Variants in SLC6A4 observed in about 807,000 individuals in gnomAD.
The protein encoded by SLC6A4 is solute carrier family 6 member 4.
SLC6A4 carries 22 observed loss-of-function variants against 73.4 expected under a neutral mutation model. The observed-to-expected ratio is 0.30, with a 90% CI of 0.21 to 0.43. SLC6A4 has a LOEUF of 0.43. Ranked by LOEUF, SLC6A4 falls within the 20% of genes least tolerant of loss-of-function variation. The pLI is 1.00. For missense variants in SLC6A4, 593 were observed against 808.5 expected, an observed-to-expected ratio of 0.73 and a Z score of 3.23; for synonymous variants, 270 against 315.5, an observed-to-expected ratio of 0.86 and a Z score of 1.53.
At chr17:30,212,968 CAGCAA>C in intron 8 of SLC6A4, 101 bp from the exon 9 acceptor site, 1 of 1,287,002 alleles carries the variant, frequency 7.8e-7, no homozygotes. Context: ...AGGGCGGCCA[CAGCAA>C]GGACAAGCAG....
Position 30,218,077 on chromosome 17 carries a change from C to T in SLC6A4, c.698+41G>A, listed in dbSNP as rs760606335. 3 of 1,550,460 alleles carry T rather than the reference C, an allele frequency of 1.9e-6. No homozygotes were observed. In the South Asian group the frequency reaches 3.3e-5, roughly 17 times the overall value. ...AAGAAGCCAAACCCCAGGGGTGTGG[C>T]CTGCCCCTAACAGGCCAACCCCTCA... On this transcript the variant is annotated intron_variant, in intron 5 of 14. Coordinates refer to ENST00000650711, the MANE Select transcript of SLC6A4 (RefSeq NM_001045.6).
At position 30,218,159 on chromosome 17, in the gene SLC6A4, G is replaced by A. The variant is rs1906638573; in HGVS notation, c.657C>T (p.Thr219=). 1.2e-6 allele frequency: 2 copies of A among 1,614,240 alleles called. No homozygotes were observed. The highest frequency in any genetic ancestry group is 1.1e-5 in the South Asian group (1 of 91,086). The change falls in exon 5 of 15, where the codon ACC becomes ACT. Residue 219 remains threonine, a synonymous_variant. Coordinates refer to ENST00000650711, the MANE Select transcript of SLC6A4 (RefSeq NM_001045.6). ...CTNYFSEDNI[T]WTLHSTSPAE... is the part of the protein sequence containing the mutation. ...CAGGGGACGTGGAATGGAGGGTCCA[G>A]GTGATGTTGTCCTCGGAGAAGTAAT...
intron 14 of SLC6A4, 91 bp downstream of exon 14, chr17:30,203,081 T>C (rs1906083357): frequency 7.3e-6 from 8 of 1,100,940 alleles, no homozygotes; most frequent in Non-Finnish European, 1.1e-5. Flanking sequence ...CTGGTGAATC[T>C]CATTTTGAAT....
intron 1 of SLC6A4, among the ~76,000 whole-genome samples, chr17:30,229,652 G>A (rs1012848514): frequency 5.4e-5 from 8 of 147,768 alleles, no homozygotes; most frequent in Admixed American, 2.0e-4. Context: ...GGACTCCAGC[G>A]ATCCTCCTGC....
chr17:30,219,844 G>A (rs1906689594), intron 3 of SLC6A4, among the ~76,000 whole-genome samples: 2 of 152,290 alleles, frequency 1.3e-5, no homozygotes, highest in African/African-American at 4.8e-5. Flanking sequence ...GAAACCTGAG[G>A]TCTGTGCAAA....
At chr17:30,227,238 G>T (rs150519806) in intron 1 of SLC6A4, among the ~76,000 whole-genome samples, 4 of 152,228 alleles carry the variant, frequency 2.6e-5, no homozygotes, top group Admixed American at 6.5e-5. Flanking sequence ...CTGTGTTCCC[G>T]AAGTGTGCAG....
At chr17:30,230,045 A>G (rs1017200396) in intron 1 of SLC6A4, among the ~76,000 whole-genome samples, 4 of 111,066 alleles carry the variant, frequency 3.6e-5, no homozygotes, top group Non-Finnish European at 5.3e-5. Context: ...GAAAAAGAAG[A>G]AAGAAGAAGA....
chr17:30,198,170 C>T lies in SLC6A4; in HGVS notation c.*286G>A. ...GACTTGATTCTAAACCTAATCCTAACTGATGATAGGGTGGTTTTCATCACC... is the reference window on the plus strand; with the variant it reads ...GACTTGATTCTAAACCTAATCCTAATTGATGATAGGGTGGTTTTCATCACC... On this transcript the variant is annotated 3_prime_UTR_variant, in exon 15 of 15. Transcript: ENST00000650711. 1 of 351,354 alleles carries T rather than the reference C, an allele frequency of 2.8e-6. No homozygotes were observed. The highest frequency in any genetic ancestry group is 5.1e-6 in the Non-Finnish European group (1 of 195,142). The allele number at this position is 351,354 out of a possible 1,614,324, so 21.8% of individuals were successfully genotyped here.
At chr17:30,210,766 G>A in intron 10 of SLC6A4, 120 bp from the exon 11 acceptor site, 1 of 1,073,084 alleles carries the variant, frequency 9.3e-7, no homozygotes. Context: ...ATCATCACCA[G>A]TTCCCCGGCT....
At position 30,211,806 on chromosome 17, in the gene SLC6A4, C is replaced by G. The variant is rs916491100; in HGVS notation, c.1205-382G>C. 1.3e-5 allele frequency among the ~76,000 whole-genome samples: 2 copies of G among 152,212 alleles called. No homozygotes were observed. The highest frequency in any genetic ancestry group is 2.9e-5 in the Non-Finnish European group (2 of 68,042). On this transcript the variant is annotated intron_variant, in intron 9 of 14. Transcript: ENST00000650711. This position sits in a 1 kb window ranked among gnomAD's most constrained non-coding sequence, Gnocchi z 4.0. ...TAAAGTCCATGACAGTTAGCCCCCT[C>G]TGATGTCTTCAGCTTCAGAACAGTA...
rs1158663677 is a variant in SLC6A4 at position 30,211,023 on chromosome 17, G to A, written c.1317+289C>T. ...AGAGACCCAGGAGAGACCTCGCCCCGGCCTGTAGGCGCCATAATTGGGCCA... is the reference window on the plus strand; with the variant it reads ...AGAGACCCAGGAGAGACCTCGCCCCAGCCTGTAGGCGCCATAATTGGGCCA... On this transcript the variant is annotated intron_variant, in intron 10 of 14. Coordinates refer to ENST00000650711, the MANE Select transcript of SLC6A4 (RefSeq NM_001045.6). This position sits in a 1 kb window ranked among gnomAD's most constrained non-coding sequence, Gnocchi z 4.0. Among the ~76,000 whole-genome samples the A allele has an allele frequency of 2.0e-5, 3 of 152,170 alleles. No homozygotes were observed. The highest frequency in any genetic ancestry group is 4.8e-5 in the African/African-American group (2 of 41,430).
chr17:30,234,892 G>C (rs538889895), intron 1 of SLC6A4, among the ~76,000 whole-genome samples: 1 of 152,316 alleles, frequency 6.6e-6, no homozygotes, highest in South Asian at 2.1e-4. Flanking sequence ...AAGAAAATCT[G>C]CTCCTTAGCC....
At chr17:30,215,313 G>A (rs1385062123) in intron 8 of SLC6A4, among the ~76,000 whole-genome samples, 1 of 152,234 alleles carries the variant, frequency 6.6e-6, no homozygotes, top group African/African-American at 2.4e-5. Flanking sequence ...AAAGTGCTGG[G>A]ATTACAGGCG....
In SLC6A4 at chr17:30,209,325, C is replaced by G. The variant is rs934075238; in HGVS notation, c.1450-83G>C. The stretch of plus-strand genomic sequence containing the variant: ...ACAGAGACCTGCAGGGGCTTCCTCA[C>G]TTAGAATCATTCTGGAAAAATCCCA... On this transcript the variant is annotated intron_variant, in intron 11 of 14. Transcript: ENST00000650711. 8.3e-6 allele frequency: 7 copies of G among 846,802 alleles called. No homozygotes were observed. The African/African-American group carries it at 1.2e-4, about 14-fold the overall frequency. 52.5% of individuals were successfully genotyped at this position (846,802 alleles called of 1,614,324 possible).
chr17:30,219,157 T>C (rs569916678), intron 3 of SLC6A4, among the ~76,000 whole-genome samples: 25 of 152,216 alleles, frequency 1.6e-4, no homozygotes, highest in African/African-American at 5.3e-4. Context: ...AAGAGAGCAA[T>C]TGGGAAGAAA....
intron 1 of SLC6A4, among the ~76,000 whole-genome samples, chr17:30,234,023 C>T (rs746288109): frequency 2.0e-5 from 3 of 152,050 alleles, no homozygotes; most frequent in Non-Finnish European, 4.4e-5. Context: ...CCCCCTCCAG[C>T]CAAGCATCCC....
chr17:30,219,042 AC>A, intron 3 of SLC6A4, 111 bp from the exon 4 acceptor site: 1 of 1,340,150 alleles, frequency 7.5e-7, no homozygotes, highest in Non-Finnish European at 1.0e-6. Flanking sequence ...GTCAGGAGCC[AC>A]CCTGGGCTGA....
chr17:30,205,118 G>A (rs1054802107), intron 13 of SLC6A4, among the ~76,000 whole-genome samples: 2 of 152,174 alleles, frequency 1.3e-5, no homozygotes, highest in Non-Finnish European at 1.5e-5. Context: ...TACAGGGCTG[G>A]CTCCTGTGTT....
At chr17:30,217,401 A>G (rs1285220128) in intron 5 of SLC6A4, 97 bp from the exon 6 acceptor site, 2 of 1,249,682 alleles carry the variant, frequency 1.6e-6, no homozygotes, top group Non-Finnish European at 2.2e-6. Flanking sequence ...GGACAAATGG[A>G]CACGGTGCTG....
Sources: allele counts gnomAD v4.1 joint callset (sites outside exome capture counted in the v4.1 genomes callset), GRCh38; gene constraint gnomAD v4.1.1; non-coding constraint Gnocchi (gnomAD v3.1); transcripts MANE v1.5; gene names NCBI Gene and HGNC (gene_info 2026-07-23, HGNC 2026-07-21).